The following PPP2R5B variants were observed in gnomAD, a reference collection of about 807,000 sequenced individuals.
The protein encoded by PPP2R5B is serine/threonine-protein phosphatase 2A 56 kDa regulatory subunit beta isoform.
In PPP2R5B, 19 loss-of-function variants were observed where a neutral mutation model predicts 59.9. That is an observed-to-expected ratio of 0.32 (90% CI 0.22 to 0.47). The LOEUF (loss-of-function observed/expected upper bound fraction) is 0.47. Ranked by LOEUF, PPP2R5B falls within the 20% of genes least tolerant of loss-of-function variation. The pLI, the probability that PPP2R5B is intolerant of heterozygous loss-of-function variation, is 1.00. For missense variants in PPP2R5B, 441 were observed against 640.2 expected (o/e 0.69, Z 3.36); for synonymous variants, 286 against 260.5 (o/e 1.10, Z -0.94).
chr11:64,919,350 A>C lies in PPP2R5B; in HGVS notation c.-265+1710A>C, dbSNP rs889246632. Reference sequence around the variant, plus strand: ...AGAGCGAGATTCTGTCTCAAAAAAAAAAAAAGAAGAAACTGCTTGTGGAAG... The same window carrying C: ...AGAGCGAGATTCTGTCTCAAAAAAACAAAAAGAAGAAACTGCTTGTGGAAG... On this transcript the variant is annotated intron_variant, in intron 1 of 4. Coordinates refer to the PPP2R5B transcript ENST00000526559. 1.1e-3 allele frequency among the ~76,000 whole-genome samples: 160 copies of C among 152,132 alleles called. 1 individual carries two copies. The South Asian group carries it at 0.031, about 29-fold the overall frequency.
At position 64,925,938 on chromosome 11, in the gene PPP2R5B, G is replaced by A. The variant is rs752113712; in HGVS notation, c.199+5G>A. ...CACCGCTGCCCCTGCTCAAAGGTGAGCTGGCTGCTGGCCACTGGGGGAACC... is the reference window on the plus strand; with the variant it reads ...CACCGCTGCCCCTGCTCAAAGGTGAACTGGCTGCTGGCCACTGGGGGAACC... On this transcript the variant is annotated splice_donor_5th_base_variant and intron_variant, in intron 2 of 13. Coordinates refer to ENST00000164133, the MANE Select transcript of PPP2R5B (RefSeq NM_006244.4). The surrounding 1 kb of genome is among the most constrained non-coding windows in gnomAD (Gnocchi z 4.6). 6.2e-6 allele frequency: 10 copies of A among 1,609,370 alleles called. No individual in the cohort carries two copies. The highest frequency in any genetic ancestry group is 8.5e-6 in the Non-Finnish European group (10 of 1,179,098).
At chr11:64,930,795 C>G (rs1158167158) in intron 8 of PPP2R5B, among the ~76,000 whole-genome samples, 1 of 152,210 alleles carries the variant, frequency 6.6e-6, no homozygotes, top group Non-Finnish European at 1.5e-5. Flanking sequence ...CTTCTCTACC[C>G]TCCCTTGGCA....
chr11:64,930,159 T>C (rs945640394), intron 6 of PPP2R5B, among the ~76,000 whole-genome samples, 163 bp from the exon 7 acceptor site: 2 of 151,806 alleles, frequency 1.3e-5, no homozygotes, highest in Non-Finnish European at 2.9e-5. Flanking sequence ...GGCGGGGATC[T>C]CAATGGGGCC....
rs1945156034 is a variant in PPP2R5B, at chr11:64,925,772, G to GCCCCTCCTC, written c.43_51dup (p.Ser15_Pro17dup). ...CTGCCCCCTGCAAGCACCCCCACTAGCCCCTCCTCCCCCGGGCTGTCGCCT... is the reference window on the plus strand; with the variant it reads ...CTGCCCCCTGCAAGCACCCCCACTAGCCCCTCCTCCCCCTCCTCCCCCGGGCTGTCGCCT... On this transcript the variant is annotated inframe_insertion, in exon 2 of 14. Coordinates refer to ENST00000164133, the MANE Select transcript of PPP2R5B (RefSeq NM_006244.4). This position sits in a 1 kb window ranked among gnomAD's most constrained non-coding sequence, Gnocchi z 4.6. 1 of 1,560,516 alleles carries GCCCCTCCTC rather than the reference G, an allele frequency of 6.4e-7. No individual in the cohort carries two copies. The highest frequency in any genetic ancestry group is 8.8e-7 in the Non-Finnish European group (1 of 1,142,808).
At chr11:64,921,657 G>A (rs904312213), upstream of PPP2R5B, among the ~76,000 whole-genome samples, 5 of 152,300 alleles carry the variant, frequency 3.3e-5, no homozygotes, top group South Asian at 4.1e-4. Flanking sequence ...CTCAAGGATG[G>A]GTGGAGCTGG....
At chr11:64,923,665 A>T (rs1193294614), upstream of PPP2R5B, among the ~76,000 whole-genome samples, 1 of 152,016 alleles carries the variant, frequency 6.6e-6, no homozygotes, top group Non-Finnish European at 1.5e-5. Flanking sequence ...GGTCACCAAG[A>T]CCCAAAGCAA....
chr11:64,925,621 C>CCCCCG lies in PPP2R5B; in HGVS notation c.-111_-110insCGCCC, dbSNP rs562371566. ...GCCCAGGACTGTGGTTGTGCCCCCCCCCCAAAGGCCGGACAGGATGGGACC... is the reference window on the plus strand; with the variant it reads ...GCCCAGGACTGTGGTTGTGCCCCCCCCCCCGCCCAAAGGCCGGACAGGATGGGACC... On this transcript the variant is annotated 5_prime_UTR_variant, in exon 2 of 14. Transcript: ENST00000164133. The surrounding 1 kb of genome is among the most constrained non-coding windows in gnomAD (Gnocchi z 4.6). The CCCCCG allele has an allele frequency of 1.5e-3, 823 of 549,286 alleles. 5 individuals carry two copies. Among genetic ancestry groups the CCCCCG allele is most frequent in the African/African-American group, 0.012 (627 of 51,626 alleles). The allele number at this position is 549,286 out of a possible 1,614,324, so 34.0% of individuals were successfully genotyped here.
At chr11:64,921,032 G>A (rs1945106073), upstream of PPP2R5B, among the ~76,000 whole-genome samples, 1 of 150,644 alleles carries the variant, frequency 6.6e-6, no homozygotes, top group African/African-American at 2.4e-5. Flanking sequence ...ACAGTTCACT[G>A]CAACCTCTGC....
rs1945149783 is a variant in PPP2R5B at position 64,925,496 on chromosome 11, C to A, written c.-239C>A. ...AGCCAGGGTGGGAACCCTAACTGGA[C>A]TCTTCGGGACCCCCAGGAAGGATCT... On this transcript the variant is annotated 5_prime_UTR_variant, in exon 2 of 14. Transcript: ENST00000164133. This position sits in a 1 kb window ranked among gnomAD's most constrained non-coding sequence, Gnocchi z 4.6. 1.1e-5 allele frequency: 5 copies of A among 467,256 alleles called. No individual in the cohort carries two copies. The South Asian group carries it at 1.4e-4, about 13-fold the overall frequency. 28.9% of individuals were successfully genotyped at this position (467,256 alleles called of 1,614,324 possible).
At chr11:64,918,898 C>A (rs1945079425) in intron 1 of PPP2R5B, among the ~76,000 whole-genome samples, 1 of 152,220 alleles carries the variant, frequency 6.6e-6, no homozygotes, top group East Asian at 1.9e-4. Flanking sequence ...GACCTGTATT[C>A]CAGTCCCACC....
Position 64,931,543 on chromosome 11 carries a change from G to C in PPP2R5B, c.946-16G>C. ...TCTCACCTCTGCAGGCGTGACTCCT[G>C]TCTCATCTCCCACAGGTGATCCGGG... On this transcript the variant is annotated splice_polypyrimidine_tract_variant and intron_variant, in intron 9 of 13. Coordinates refer to ENST00000164133, the MANE Select transcript of PPP2R5B (RefSeq NM_006244.4). The surrounding 1 kb of genome is among the most constrained non-coding windows in gnomAD (Gnocchi z 5.0). 6.2e-7 allele frequency: 1 copy of C among 1,614,118 alleles called. No individual in the cohort carries two copies.
rs1014849031 is a variant in PPP2R5B, at chr11:64,931,950, C to T, written c.1116+82C>T. The T allele has an allele frequency of 1.9e-6, 3 of 1,548,186 alleles. No homozygotes were observed. Among genetic ancestry groups the T allele is most frequent in the Non-Finnish European group, 2.6e-6 (3 of 1,148,068 alleles). The stretch of plus-strand genomic sequence containing the variant: ...CTGACCTAATAAAGCTCCCTTTGCC[C>T]TCAGTTTCTCCTCCAATCCCGGGTC... On this transcript the variant is annotated intron_variant, in intron 11 of 13. Transcript: ENST00000164133. The surrounding 1 kb of genome is among the most constrained non-coding windows in gnomAD (Gnocchi z 5.0).
At chr11:64,933,608 TG>T in intron 13 of PPP2R5B, 88 bp from the exon 14 acceptor site, 1 of 1,435,300 alleles carries the variant, frequency 7.0e-7, no homozygotes, top group Non-Finnish European at 9.2e-7. Context: ...CCTTTGCCGG[TG>T]GGGTGGTAGT....
intron 2 of PPP2R5B, 138 bp from the exon 3 acceptor site, chr11:64,926,574 A>G: frequency 6.9e-6 from 6 of 868,472 alleles, no homozygotes; most frequent in Admixed American, 5.5e-5. Context: ...GCTGTCTGCA[A>G]GGAGCAGGAG....
chr11:64,919,216 G>A (rs1264342862), intron 1 of PPP2R5B, among the ~76,000 whole-genome samples: 4 of 152,130 alleles, frequency 2.6e-5, no homozygotes, highest in African/African-American at 9.7e-5. Flanking sequence ...GATGGCGGGC[G>A]CCTGTAGTCC....
Position 64,925,772 on chromosome 11 carries a change from G to GCCC in PPP2R5B, c.40_42dup (p.Pro14dup). ...CTGCCCCCTGCAAGCACCCCCACTA[G>GCCC]CCCCTCCTCCCCCGGGCTGTCGCCT... On this transcript the variant is annotated inframe_insertion, in exon 2 of 14. Coordinates refer to ENST00000164133, the MANE Select transcript of PPP2R5B (RefSeq NM_006244.4). The surrounding 1 kb of genome is among the most constrained non-coding windows in gnomAD (Gnocchi z 4.6). The GCCC allele has an allele frequency of 1.4e-5, 22 of 1,560,966 alleles. No individual in the cohort carries two copies. The highest frequency in any genetic ancestry group is 1.2e-4 in the Admixed American group (7 of 57,430).
Position 64,933,917 on chromosome 11 carries a change from C to T in PPP2R5B, c.*73C>T. On this transcript the variant is annotated 3_prime_UTR_variant, in exon 14 of 14. Transcript: ENST00000164133. ...CTATCCCTTCTCCTGTCCAGGGGCC[C>T]AGAGAGAAACACACCTACCCCTGGC... 1.4e-6 allele frequency: 2 copies of T among 1,413,766 alleles called. No individual in the cohort carries two copies. Among genetic ancestry groups the T allele is most frequent in the Non-Finnish European group, 1.9e-6 (2 of 1,076,376 alleles). The allele number at this position is 1,413,766 out of a possible 1,614,324, so 87.6% of individuals were successfully genotyped here.
upstream of PPP2R5B, among the ~76,000 whole-genome samples, chr11:64,921,147 A>T (rs1945106906): frequency 6.6e-6 from 1 of 150,722 alleles, no homozygotes; most frequent in African/African-American, 2.4e-5. Flanking sequence ...GTAGAGATGG[A>T]GTTTCACTAT....
Position 64,930,544 on chromosome 11 carries a change from G to C in PPP2R5B, c.846G>C (p.Leu282=). Reference sequence around the variant, plus strand: ...ACAAGCAGTTCCTGGTTCGCGTCCTGATCCCCCTGCACTCTGTCAAGTCGC... The same window carrying C: ...ACAAGCAGTTCCTGGTTCGCGTCCTCATCCCCCTGCACTCTGTCAAGTCGC... ...TEHKQFLVRV[L]IPLHSVKSLS... Residue 282 remains leucine (L), a synonymous_variant, in exon 8 of 14, where the codon CTG becomes CTC. Coordinates refer to ENST00000164133, the MANE Select transcript of PPP2R5B (RefSeq NM_006244.4). 3 of 1,614,156 alleles carry C rather than the reference G, an allele frequency of 1.9e-6. No homozygotes were observed. Among genetic ancestry groups the C allele is most frequent in the Non-Finnish European group, 2.5e-6 (3 of 1,180,038 alleles).
Sources: allele counts gnomAD v4.1 joint callset (sites outside exome capture counted in the v4.1 genomes callset), GRCh38; gene constraint gnomAD v4.1.1; non-coding constraint Gnocchi (gnomAD v3.1); transcripts MANE v1.5; gene names NCBI Gene and HGNC (gene_info 2026-07-23, HGNC 2026-07-21).